UCK2: variants seen among roughly 807,000 people sequenced by gnomAD.
The protein encoded by UCK2 is uridine-cytidine kinase 2.
In UCK2, 6 loss-of-function variants were observed where a neutral mutation model predicts 30.8. The ratio of observed to expected loss-of-function variants is 0.19; its 90% CI spans 0.11 to 0.38. UCK2 has a LOEUF of 0.38. Ranked by LOEUF, UCK2 falls within the 10% of genes least tolerant of loss-of-function variation. UCK2 has a pLI of 1.00. For missense variants in UCK2, 210 were observed against 339.8 expected (o/e 0.62, Z 3.00); for synonymous variants, 125 against 133.6 (o/e 0.94, Z 0.45).
intron 1 of UCK2, among the ~76,000 whole-genome samples, chr1:165,868,812 C>T (rs1655117386): frequency 6.6e-6 from 1 of 152,172 alleles, no homozygotes; most frequent in African/African-American, 2.4e-5. Flanking sequence ...CTTTTAATTG[C>T]CGTCATGAAC....
rs138079175 is a variant in UCK2, at chr1:165,852,726, C to T, written c.99+24794C>T. Among the ~76,000 whole-genome samples the T allele has an allele frequency of 1.4e-4, 22 of 152,324 alleles. No homozygotes were observed. In the East Asian group the frequency reaches 4.2e-3, roughly 29 times the overall value. On this transcript the variant is annotated intron_variant, in intron 1 of 6. Transcript: ENST00000367879. ...ACCTGCCTCTTAGCATTTCATCTATCCTTCCTTATATAAGTTCTTTCTTCT... is the reference window on the plus strand; with the variant it reads ...ACCTGCCTCTTAGCATTTCATCTATTCTTCCTTATATAAGTTCTTTCTTCT...
At chr1:165,889,054 AAC>A (rs1212410317) in intron 1 of UCK2, among the ~76,000 whole-genome samples, 1 of 152,204 alleles carries the variant, frequency 6.6e-6, no homozygotes, top group African/African-American at 2.4e-5. Context: ...TACTAACAAC[AAC>A]ACACAAAGCA....
rs1653930247 is a variant in UCK2 at position 165,827,940 on chromosome 1, G to A, written c.99+8G>A. The stretch of plus-strand genomic sequence containing the variant: ...GGAACAGCTAGCGGCAAGGTACGGC[G>A]GGGCCCGGAGCCGCGCTCCCTTCCC... On this transcript the variant is annotated splice_region_variant and intron_variant, in intron 1 of 6. Coordinates refer to ENST00000367879, the MANE Select transcript of UCK2 (RefSeq NM_012474.5). 7.3e-7 allele frequency: 1 copy of A among 1,372,122 alleles called. No individual in the cohort carries two copies. 85.0% of individuals were successfully genotyped at this position (1,372,122 alleles called of 1,614,324 possible). A position where few individuals can be genotyped will look rare whatever the true frequency, so the allele number is the denominator to read the frequency against.
chr1:165,886,774 C>T (rs915494742), intron 1 of UCK2, among the ~76,000 whole-genome samples: 1 of 152,120 alleles, frequency 6.6e-6, no homozygotes, highest in Non-Finnish European at 1.5e-5. Flanking sequence ...TGGGACTCCT[C>T]CTTCCCTCCC....
intron 1 of UCK2, among the ~76,000 whole-genome samples, chr1:165,877,092 A>G (rs1244408442): frequency 6.6e-6 from 1 of 152,188 alleles, no homozygotes; most frequent in Non-Finnish European, 1.5e-5. Context: ...TCACTTATAA[A>G]TGGTCCACTG....
At chr1:165,882,817 T>C (rs1377511366) in intron 1 of UCK2, among the ~76,000 whole-genome samples, 2 of 152,152 alleles carry the variant, frequency 1.3e-5, no homozygotes, top group Non-Finnish European at 2.9e-5. Flanking sequence ...CATTCAGACC[T>C]TAACACTCAC....
At chr1:165,868,636 T>TCCTTTCCTCAGCCTTCCTCATCCTTTC (rs1372470718) in intron 1 of UCK2, among the ~76,000 whole-genome samples, 10 of 152,362 alleles carry the variant, frequency 6.6e-5, no homozygotes, top group Admixed American at 3.3e-4. Flanking sequence ...TCCTCATCTT[T>TCCTTTCCTCAGCCTTCCTCATCCTTTC]CTCAGCCTTC....
chr1:165,890,711 G>C (rs72700000), intron 2 of UCK2: 749 of 283,832 alleles, frequency 2.6e-3, no homozygotes, highest in Non-Finnish European at 3.7e-3. Flanking sequence ...TCCTCCTCAG[G>C]TGTACATGTG....
intron 1 of UCK2, among the ~76,000 whole-genome samples, chr1:165,877,981 A>C (rs999966949): frequency 6.6e-6 from 1 of 152,150 alleles, no homozygotes; most frequent in Admixed American, 6.5e-5. Flanking sequence ...ACATTGTCAC[A>C]TCCTTATCAA....
chr1:165,883,839 G>A (rs1655556613), intron 1 of UCK2, among the ~76,000 whole-genome samples: 1 of 152,158 alleles, frequency 6.6e-6, no homozygotes, highest in South Asian at 2.1e-4. Context: ...GATATTCCAG[G>A]GAAGCATTTG....
intron 1 of UCK2, chr1:165,885,110 C>T (rs1655586169): frequency 2.9e-6 from 1 of 347,072 alleles, no homozygotes; most frequent in Non-Finnish European, 5.2e-6. Flanking sequence ...CAGTTCCCTC[C>T]CTGTCTCCCT....
rs77788821 is a variant in UCK2 at position 165,836,405 on chromosome 1, C to A, written c.99+8473C>A. Among the ~76,000 whole-genome samples the A allele has an allele frequency of 7.4e-3, 1,130 of 152,062 alleles. 9 individuals carry two copies. Among genetic ancestry groups the A allele is most frequent in the South Asian group, 0.033 (159 of 4,804 alleles). ...TGTATAGATCTAAGCTTTAAGGAAC[C>A]CTGTTGACATAAATAAGTAGATGGA... On this transcript the variant is annotated intron_variant, in intron 1 of 6. Transcript: ENST00000367879.
intron 1 of UCK2, among the ~76,000 whole-genome samples, chr1:165,864,793 C>G (rs1655009268): frequency 6.6e-6 from 1 of 151,990 alleles, no homozygotes; most frequent in African/African-American, 2.4e-5. Context: ...GATCCTCCCA[C>G]CTTAGCCTCC....
chr1:165,890,439 A>G, intron 2 of UCK2, 76 bp downstream of exon 2: 1 of 1,491,596 alleles, frequency 6.7e-7, no homozygotes, highest in Non-Finnish European at 9.2e-7. Flanking sequence ...CTCATGAGGA[A>G]GTTGCTTAAC....
In UCK2 at chr1:165,827,775, C is replaced by A; in HGVS notation, c.-59C>A. ...GAAAGCGGAGGGAGTCCGACGCGGG[C>A]GCGGGCGGGGAGCGTGCGTCCGTTC... On this transcript the variant is annotated 5_prime_UTR_variant, in exon 1 of 7. Coordinates refer to ENST00000367879, the MANE Select transcript of UCK2 (RefSeq NM_012474.5). The A allele has an allele frequency of 1.6e-6, 2 of 1,280,424 alleles. No homozygotes were observed. Among genetic ancestry groups the A allele is most frequent in the South Asian group, 2.5e-5 (1 of 39,514 alleles). The allele number at this position is 1,280,424 out of a possible 1,614,324, so 79.3% of individuals were successfully genotyped here.
At chr1:165,890,607 G>A (rs1254279369) in intron 2 of UCK2, among the ~76,000 whole-genome samples, 2 of 152,148 alleles carry the variant, frequency 1.3e-5, no homozygotes, top group African/African-American at 2.4e-5. Flanking sequence ...AGGTGATTTT[G>A]TATGAGCCTG....
At chr1:165,877,237 T>C (rs1469232659) in intron 1 of UCK2, among the ~76,000 whole-genome samples, 1 of 152,028 alleles carries the variant, frequency 6.6e-6, no homozygotes, top group African/African-American at 2.4e-5. Flanking sequence ...AAAAGACAAA[T>C]GGCAGAAGAT....
chr1:165,865,521 G>T (rs1655025407), intron 1 of UCK2, among the ~76,000 whole-genome samples: 1 of 152,102 alleles, frequency 6.6e-6, no homozygotes, highest in African/African-American at 2.4e-5. Flanking sequence ...GGGGACAATT[G>T]ATGTTCTTTG....
chr1:165,905,568 A>ATAGT (rs1482672684), intron 5 of UCK2, among the ~76,000 whole-genome samples: 2 of 152,180 alleles, frequency 1.3e-5, no homozygotes, highest in Non-Finnish European at 2.9e-5. Context: ...TCCATGGTAG[A>ATAGT]TAGTTATCAA....
Sources: allele counts gnomAD v4.1 joint callset (sites outside exome capture counted in the v4.1 genomes callset), GRCh38; gene constraint gnomAD v4.1.1; transcripts MANE v1.5; gene names NCBI Gene and HGNC (gene_info 2026-07-23, HGNC 2026-07-21).